Variants in SLC30A6 observed in about 807,000 individuals in gnomAD.
The protein encoded by SLC30A6 is solute carrier family 30 member 6.
Under a neutral mutation model 63.0 loss-of-function variants are expected in SLC30A6, and 55 were observed. That is an observed-to-expected ratio of 0.87 (90% CI 0.70 to 1.09). SLC30A6 has a LOEUF of 1.09. Ranked by LOEUF, SLC30A6 falls within the 50% of genes least tolerant of loss-of-function variation. SLC30A6 has a pLI of 0.00. For synonymous variants in SLC30A6, 224 were observed against 186.1 expected (o/e 1.20, Z -1.66); for missense variants, 587 against 549.2 (o/e 1.07, Z -0.69).
At chr2:32,180,557 C>T (rs563359396) in intron 4 of SLC30A6, among the ~76,000 whole-genome samples, 18 of 152,182 alleles carry the variant, frequency 1.2e-4, no homozygotes, top group African/African-American at 3.1e-4. Flanking sequence ...CTTAGCCGCC[C>T]GAGTAGCTGG....
At position 32,192,354 on chromosome 2, in the gene SLC30A6, C is replaced by T. The variant is rs1282290978; in HGVS notation, c.303C>T (p.Val101=). 3 of 1,613,852 alleles carry T rather than the reference C, an allele frequency of 1.9e-6. No homozygotes were observed. Among genetic ancestry groups the T allele is most frequent in the African/African-American group, 2.7e-5 (2 of 74,882 alleles). ...VYSFGFERLE[V]LAVFASTVLA... ...GTTTCAGGTTTGAAAGATTAGAAGT[C>T]CTGGCTGTATTTGCCTCCACAGTCT... Residue 101 remains valine (V), a synonymous_variant, in exon 6 of 14, where the codon GTC becomes GTT. Coordinates refer to ENST00000282587, the MANE Select transcript of SLC30A6 (RefSeq NM_017964.5).
At chr2:32,183,940 AT>A (rs1682582388) in intron 4 of SLC30A6, among the ~76,000 whole-genome samples, 1 of 152,162 alleles carries the variant, frequency 6.6e-6, no homozygotes, top group African/African-American at 2.4e-5. Flanking sequence ...ATTTTTTAGC[AT>A]TTTCAGTTAC....
At chr2:32,191,232 A>G (rs1229235013) in intron 5 of SLC30A6, among the ~76,000 whole-genome samples, 5 of 151,582 alleles carry the variant, frequency 3.3e-5, no homozygotes, top group Admixed American at 2.6e-4. Context: ...GTTCTTTTTT[A>G]TTTTTTCAGT....
chr2:32,183,534 A>G (rs1255865906), intron 4 of SLC30A6, among the ~76,000 whole-genome samples: 1 of 151,616 alleles, frequency 6.6e-6, no homozygotes, highest in Non-Finnish European at 1.5e-5. Context: ...AAAAATATAT[A>G]AAAATTAGCC....
At chr2:32,198,613 C>A (rs1488015605) in intron 10 of SLC30A6, among the ~76,000 whole-genome samples, 1 of 152,108 alleles carries the variant, frequency 6.6e-6, no homozygotes, top group Non-Finnish European at 1.5e-5. Context: ...GATGGAGTTT[C>A]GCTCTTGGTG....
chr2:32,210,882 C>A (rs1354577855), intron 13 of SLC30A6, among the ~76,000 whole-genome samples: 1 of 152,142 alleles, frequency 6.6e-6, no homozygotes, highest in African/African-American at 2.4e-5. Flanking sequence ...CATCCCCTCC[C>A]TCCTTACTGG....
At chr2:32,171,194 T>A in intron 1 of SLC30A6, 93 bp from the exon 2 acceptor site, 1 of 966,422 alleles carries the variant, frequency 1.0e-6, no homozygotes, top group Non-Finnish European at 1.6e-6. Context: ...TAAATATTGG[T>A]TATTTATATC....
intron 1 of SLC30A6, among the ~76,000 whole-genome samples, chr2:32,168,181 T>C (rs1680852638): frequency 2.0e-5 from 3 of 151,304 alleles, no homozygotes; most frequent in African/African-American, 7.3e-5. Context: ...GAACATGCTA[T>C]GTGAAAACAG....
At chr2:32,174,607 G>A (rs1252941218) in intron 3 of SLC30A6, among the ~76,000 whole-genome samples, 1 of 116,448 alleles carries the variant, frequency 8.6e-6, no homozygotes, top group Non-Finnish European at 1.6e-5. Context: ...AGGCTGTAGT[G>A]CAGTGGTGTG....
intron 11 of SLC30A6, among the ~76,000 whole-genome samples, chr2:32,205,770 C>A (rs561408712): frequency 2.8e-5 from 4 of 145,440 alleles, no homozygotes; most frequent in African/African-American, 1.0e-4. Context: ...TGGGTTCAAG[C>A]GATTCTCCTA....
chr2:32,210,733 C>T (rs755266164), intron 13 of SLC30A6, among the ~76,000 whole-genome samples: 2 of 151,914 alleles, frequency 1.3e-5, no homozygotes, highest in Non-Finnish European at 2.9e-5. Context: ...AATGATATTA[C>T]CCACTTTGCA....
intron 1 of SLC30A6, 110 bp from the exon 2 acceptor site, chr2:32,171,177 T>C: frequency 1.3e-6 from 1 of 763,896 alleles, no homozygotes; most frequent in Non-Finnish European, 2.2e-6. Flanking sequence ...GTATATTGAG[T>C]ACTTAATAAA....
At chr2:32,186,987 C>T (rs1458114109) in intron 5 of SLC30A6, among the ~76,000 whole-genome samples, 8 of 133,868 alleles carry the variant, frequency 6.0e-5, no homozygotes, top group Admixed American at 8.2e-5. Context: ...CAGAGCTAGA[C>T]GCTGTCTCCA....
intron 1 of SLC30A6, among the ~76,000 whole-genome samples, chr2:32,169,271 C>T (rs144671183): frequency 2.0e-5 from 3 of 152,202 alleles, no homozygotes; most frequent in East Asian, 3.9e-4. Context: ...CGGGCTCATG[C>T]GATCCTTCCA....
chr2:32,220,745 G>A lies in SLC30A6; in HGVS notation c.*32G>A, dbSNP rs1247489350. The A allele has an allele frequency of 2.5e-6, 4 of 1,569,896 alleles. No homozygotes were observed. The highest frequency in any genetic ancestry group is 1.2e-5 in the South Asian group (1 of 85,038). ...CTAACTTATTTTTATAAGGAATATTGACTCCTTGGCTTCCAATTTATTTAG... is the reference window on the plus strand; with the variant it reads ...CTAACTTATTTTTATAAGGAATATTAACTCCTTGGCTTCCAATTTATTTAG... On this transcript the variant is annotated 3_prime_UTR_variant, in exon 14 of 14. Coordinates refer to ENST00000282587, the MANE Select transcript of SLC30A6 (RefSeq NM_017964.5).
Position 32,222,342 on chromosome 2 carries a change from C to T in SLC30A6, c.*1629C>T, listed in dbSNP as rs990536255. The T allele has an allele frequency of 6.6e-6, 1 of 152,114 alleles. No individual in the cohort carries two copies. Among genetic ancestry groups the T allele is most frequent in the Admixed American group, 6.5e-5 (1 of 15,268 alleles). The allele number at this position is 152,114 out of a possible 1,614,324, so 9.4% of individuals were successfully genotyped here. On this transcript the variant is annotated 3_prime_UTR_variant, in exon 14 of 14. Transcript: ENST00000282587. ...GACTTAACTTTCCTGGAATCCAATG[C>T]TCCTGGAGATTTATGACTTTCCCAG...
chr2:32,174,548 A>T (rs868543305), intron 3 of SLC30A6, among the ~76,000 whole-genome samples: 45 of 92,274 alleles, frequency 4.9e-4, no homozygotes, highest in Admixed American at 1.2e-3. Context: ...CTATCTGGAG[A>T]TTTTTTTTTT....
chr2:32,182,372 C>T (rs943788146), intron 4 of SLC30A6, among the ~76,000 whole-genome samples: 5 of 152,180 alleles, frequency 3.3e-5, no homozygotes, highest in African/African-American at 1.2e-4. Context: ...TTGCTGCTTA[C>T]ATGAATTGGA....
intron 13 of SLC30A6, among the ~76,000 whole-genome samples, chr2:32,213,950 A>C (rs1485371193): frequency 6.6e-6 from 1 of 152,014 alleles, no homozygotes; most frequent in Non-Finnish European, 1.5e-5. Flanking sequence ...AACTAGAAAG[A>C]AGCTATCTGT....
Sources: allele counts gnomAD v4.1 joint callset (sites outside exome capture counted in the v4.1 genomes callset), GRCh38; gene constraint gnomAD v4.1.1; transcripts MANE v1.5; gene names NCBI Gene and HGNC (gene_info 2026-07-23, HGNC 2026-07-21).